The following UBAP2 variants were observed in gnomAD, a reference collection of about 807,000 sequenced individuals.
UBAP2 encodes ubiquitin associated protein 2, also known as ubiquitin-associated protein 2.
Under a neutral mutation model 139.6 loss-of-function variants are expected in UBAP2, and 75 were observed. The ratio of observed to expected loss-of-function variants is 0.54; its 90% CI spans 0.45 to 0.65. The LOEUF is 0.65. Among genes scored for constraint, UBAP2 ranks in the 30% least tolerant of loss-of-function variants. UBAP2 has a pLI of 0.00. For missense variants in UBAP2, 1,368 were observed against 1,369.6 expected, an observed-to-expected ratio of 1.00 and a Z score of 0.02; for synonymous variants, 526 against 526.2, an observed-to-expected ratio of 1.00 and a Z score of 0.01.
rs766608739 is a variant in UBAP2 at position 33,960,850 on chromosome 9, C to G, written c.774G>C (p.Trp258Cys). 6.2e-7 allele frequency: 1 copy of G among 1,613,782 alleles called. No individual in the cohort carries two copies. Among genetic ancestry groups the G allele is most frequent in the South Asian group, 1.1e-5 (1 of 91,054 alleles). Residue 258 changes from tryptophan (W) to cysteine (C), a missense_variant, in exon 10 of 29, where the codon TGG becomes TGC. Trp to Cys is a radical substitution (Grantham distance 215, BLOSUM62 -2). Transcript: ENST00000379238. Reference sequence around the variant, plus strand: ...CATCTTCAGTCCAGTCTTCTGTTGTCCACTCTTCCACAGAATTCTTCCAAG... The same window carrying G: ...CATCTTCAGTCCAGTCTTCTGTTGTGCACTCTTCCACAGAATTCTTCCAAG... ...KGAWKNSVEE[W>C]TTEDWTEDLS...
chr9:34,041,250 C>T (rs919132918), intron 1 of UBAP2, among the ~76,000 whole-genome samples: 3 of 149,570 alleles, frequency 2.0e-5, no homozygotes, highest in Non-Finnish European at 3.0e-5. Context: ...GTCAGGAGTT[C>T]GAGACCAGCC....
intron 3 of UBAP2, chr9:33,997,572 T>G (rs1432330583): frequency 6.6e-6 from 1 of 152,208 alleles, no homozygotes; most frequent in Non-Finnish European, 1.5e-5. Flanking sequence ...TTTCTGATGC[T>G]TCAGTCTTTG....
chr9:33,924,366 A>C (rs1328775189), intron 22 of UBAP2, 82 bp from the exon 23 acceptor site: 35 of 1,353,240 alleles, frequency 2.6e-5, no homozygotes, highest in Non-Finnish European at 3.7e-5. Context: ...GGAAGTGGTG[A>C]CGCCACACTC....
At chr9:33,961,602 T>C (rs1412485454) in intron 9 of UBAP2, among the ~76,000 whole-genome samples, 1 of 152,112 alleles carries the variant, frequency 6.6e-6, no homozygotes, top group Non-Finnish European at 1.5e-5. Context: ...ATGAAAAAAA[T>C]GCCCATAGAT....
chr9:34,003,255 G>A (rs955541928), intron 2 of UBAP2, among the ~76,000 whole-genome samples: 4 of 150,738 alleles, frequency 2.7e-5, no homozygotes, highest in African/African-American at 9.8e-5. Flanking sequence ...GGTCTTGAAC[G>A]TCTGACCTCG....
chr9:33,967,039 T>A (rs1339735246), intron 8 of UBAP2, among the ~76,000 whole-genome samples: 1 of 152,202 alleles, frequency 6.6e-6, no homozygotes, highest in Non-Finnish European at 1.5e-5. Flanking sequence ...ATTTATTGTC[T>A]TCTTTATTTT....
At chr9:34,020,664 C>CTT (rs11332455) in intron 1 of UBAP2, among the ~76,000 whole-genome samples, 13 of 143,596 alleles carry the variant, frequency 9.1e-5, no homozygotes, top group African/African-American at 3.3e-4. Context: ...ACTCTGTTTC[C>CTT]TTTTTTTTTT....
rs1035200982 is a variant in UBAP2, at chr9:34,011,294, G to T, written c.99+5756C>A. 9.9e-5 allele frequency among the ~76,000 whole-genome samples: 15 copies of T among 152,062 alleles called. No homozygotes were observed. The East Asian group carries it at 1.3e-3, about 14-fold the overall frequency. On this transcript the variant is annotated intron_variant, in intron 2 of 28. Coordinates refer to ENST00000379238, the MANE Select transcript of UBAP2 (RefSeq NM_001370062.2). ...TGCCATATGTAAGGTAAATGCCAAT[G>T]ACTGATTTATTCAGACTTAGCTTTT...
At position 34,034,008 on chromosome 9, in the gene UBAP2, T is replaced by G. The variant is rs557539871; in HGVS notation, c.-42+14817A>C. Among the ~76,000 whole-genome samples, 84 of 152,230 alleles carry G rather than the reference T, an allele frequency of 5.5e-4. No homozygotes were observed. In the South Asian group the frequency reaches 0.017, roughly 31 times the overall value. On this transcript the variant is annotated intron_variant, in intron 1 of 28. Transcript: ENST00000379238. The stretch of plus-strand genomic sequence containing the variant: ...GCCTCAGCCTCCCAAAGTCCTAGGA[T>G]TAAAGGCATGACCCACCACGCCCGG...
intron 2 of UBAP2, among the ~76,000 whole-genome samples, chr9:34,007,505 C>G (rs1256587026): frequency 6.6e-6 from 1 of 151,434 alleles, no homozygotes; most frequent in Non-Finnish European, 1.5e-5. Flanking sequence ...AAAAAAATAG[C>G]CTTTATTATT....
At chr9:33,994,581 A>G (rs1203296839) in intron 4 of UBAP2, 1 of 151,742 alleles carries the variant, frequency 6.6e-6, no homozygotes, top group Non-Finnish European at 1.5e-5. Context: ...CAGATCCTCC[A>G]TATTTTGCAA....
intron 9 of UBAP2, among the ~76,000 whole-genome samples, chr9:33,962,092 A>G (rs149185581): frequency 3.5e-4 from 54 of 152,344 alleles, no homozygotes; most frequent in Non-Finnish European, 6.9e-4. Flanking sequence ...TTGTAAGAGA[A>G]AGCTTGATGG....
intron 22 of UBAP2, among the ~76,000 whole-genome samples, chr9:33,925,379 CAGGAA>C (rs1823339150): frequency 2.6e-5 from 4 of 152,158 alleles, no homozygotes; most frequent in African/African-American, 7.2e-5. Context: ...ATTCTCCAGG[CAGGAA>C]CTAGGCTCAC....
At chr9:34,048,380 T>C (rs763990025) in intron 1 of UBAP2, among the ~76,000 whole-genome samples, 7 of 152,090 alleles carry the variant, frequency 4.6e-5, no homozygotes, top group Non-Finnish European at 1.0e-4. Context: ...AGCGCATAAG[T>C]TGGGGCTATA....
At chr9:34,044,764 G>A (rs906075189) in intron 1 of UBAP2, among the ~76,000 whole-genome samples, 7 of 152,058 alleles carry the variant, frequency 4.6e-5, no homozygotes, top group Non-Finnish European at 7.4e-5. Context: ...TACTCAGGAG[G>A]CTGAGGCAGG....
intron 1 of UBAP2, among the ~76,000 whole-genome samples, chr9:34,029,577 T>A (rs1825710809): frequency 6.6e-6 from 1 of 151,186 alleles, no homozygotes; most frequent in African/African-American, 2.4e-5. Context: ...GGTTCACACC[T>A]GTAATCCCAA....
At chr9:34,014,597 C>A (rs1011030160) in intron 2 of UBAP2, among the ~76,000 whole-genome samples, 1 of 151,698 alleles carries the variant, frequency 6.6e-6, no homozygotes, top group Non-Finnish European at 1.5e-5. Context: ...CCATTGCACT[C>A]CAGCCTGGGC....
chr9:33,940,016 G>GGGAGGGAGA (rs1169579328), intron 16 of UBAP2, among the ~76,000 whole-genome samples: 10 of 145,758 alleles, frequency 6.9e-5, no homozygotes, highest in African/African-American at 2.3e-4. Flanking sequence ...AAAGAGGAGG[G>GGGAGGGAGA]GGAGGGAGAG....
At chr9:33,954,203 G>T (rs1347469870) in intron 11 of UBAP2, among the ~76,000 whole-genome samples, 2 of 148,800 alleles carry the variant, frequency 1.3e-5, no homozygotes, top group Non-Finnish European at 3.0e-5. Context: ...CACCCTACCT[G>T]GCCAAGTTTC....
Sources: allele counts gnomAD v4.1 joint callset (sites outside exome capture counted in the v4.1 genomes callset), GRCh38; gene constraint gnomAD v4.1.1; transcripts MANE v1.5; gene names NCBI Gene and HGNC (gene_info 2026-07-23, HGNC 2026-07-21).